Variants in KIAA0825 observed in about 807,000 individuals in gnomAD.
The protein encoded by KIAA0825 is KIAA0825, also known as uncharacterized protein KIAA0825.
KIAA0825 carries 119 observed loss-of-function variants against 147.6 expected under a neutral mutation model. The observed-to-expected ratio is 0.81, with a 90% CI of 0.69 to 0.94. The LOEUF (loss-of-function observed/expected upper bound fraction) is 0.94, where lower values mean the gene tolerates loss of function less well. KIAA0825 is among the 40% of genes least tolerant of loss of function. KIAA0825 has a pLI of 0.00. For synonymous variants in KIAA0825, 470 were observed against 518.1 expected (o/e 0.91, Z 1.26); for missense variants, 1,381 against 1,472.7 (o/e 0.94, Z 1.02).
intron 20 of KIAA0825, among the ~76,000 whole-genome samples, chr5:94,212,867 A>G (rs1274211227): frequency 6.6e-6 from 1 of 152,172 alleles, no homozygotes; most frequent in East Asian, 1.9e-4. Flanking sequence ...ATAGTCTGGG[A>G]CAAAAGCCAT....
chr5:94,197,655 G>A (rs533898865), intron 20 of KIAA0825, among the ~76,000 whole-genome samples: 26 of 152,200 alleles, frequency 1.7e-4, no homozygotes, highest in Admixed American at 4.6e-4. Flanking sequence ...TTTGTGCATA[G>A]GGAAAGGAAA....
At chr5:94,539,636 A>G (rs1479366066) in intron 2 of KIAA0825, among the ~76,000 whole-genome samples, 1 of 150,248 alleles carries the variant, frequency 6.7e-6, no homozygotes, top group African/African-American at 2.4e-5. Context: ...GTGGTGGGGT[A>G]CCCGGGTAAA....
chr5:94,519,254 G>A (rs1325070146), intron 5 of KIAA0825: 25 of 888,326 alleles, frequency 2.8e-5, no homozygotes, highest in Non-Finnish European at 3.4e-5. Context: ...ATACGCACAA[G>A]TATAGTGAGC....
In KIAA0825 at chr5:94,234,496, C is replaced by T. The variant is rs1386085698; in HGVS notation, c.3711-80372G>A. ...CTTCCATTGCCATAAAAAAATTCCT[C>T]AGACTGGATAATTTATAAAGAAAAG... On this transcript the variant is annotated intron_variant, in intron 20 of 20. Coordinates refer to ENST00000682413, the MANE Select transcript of KIAA0825 (RefSeq NM_001145678.3). 3.3e-5 allele frequency among the ~76,000 whole-genome samples: 5 copies of T among 152,236 alleles called. No homozygotes were observed. The South Asian group carries it at 1.0e-3, about 32-fold the overall frequency.
intron 3 of KIAA0825, among the ~76,000 whole-genome samples, chr5:94,534,088 ATGT>A (rs1037196452): frequency 4.6e-5 from 7 of 152,240 alleles, no homozygotes; most frequent in Non-Finnish European, 8.8e-5. Flanking sequence ...TGAATTACTA[ATGT>A]TGTTTTTTTC....
intron 20 of KIAA0825, among the ~76,000 whole-genome samples, chr5:94,273,375 A>C (rs7356539): frequency 0.64 from 96,690 of 151,930 alleles, 31,744 homozygotes; most frequent in Middle Eastern, 0.74. Flanking sequence ...TATCCTACAA[A>C]TAGAATATTT....
intron 5 of KIAA0825, among the ~76,000 whole-genome samples, chr5:94,512,566 AGCTTGG>A (rs1401116209): frequency 6.6e-6 from 1 of 151,276 alleles, no homozygotes; most frequent in Non-Finnish European, 1.5e-5. Flanking sequence ...ATTCAAGACC[AGCTTGG>A]GCAACATAGC....
At chr5:94,158,323 T>G (rs1562287127) in intron 20 of KIAA0825, among the ~76,000 whole-genome samples, 1 of 152,156 alleles carries the variant, frequency 6.6e-6, no homozygotes, top group Non-Finnish European at 1.5e-5. Context: ...ATTTACTATT[T>G]GGACTTTTTT....
At chr5:94,262,668 AAAGT>A (rs1776552425) in intron 20 of KIAA0825, among the ~76,000 whole-genome samples, 1 of 152,182 alleles carries the variant, frequency 6.6e-6, no homozygotes, top group East Asian at 1.9e-4. Flanking sequence ...TCAAGTAGAA[AAAGT>A]AAGACAACAG....
At chr5:94,179,117 G>A (rs1254342137) in intron 20 of KIAA0825, among the ~76,000 whole-genome samples, 3 of 152,068 alleles carry the variant, frequency 2.0e-5, no homozygotes, top group Non-Finnish European at 4.4e-5. Context: ...GGTTGCCAGG[G>A]GTTGAGAATG....
chr5:94,277,654 T>C (rs1777279622), intron 20 of KIAA0825, among the ~76,000 whole-genome samples: 2 of 152,186 alleles, frequency 1.3e-5, no homozygotes, highest in Admixed American at 1.3e-4. Context: ...TTTACACTGT[T>C]GGTGGGAGTG....
At chr5:94,460,227 T>C (rs1759642130) in intron 12 of KIAA0825, among the ~76,000 whole-genome samples, 1 of 152,134 alleles carries the variant, frequency 6.6e-6, no homozygotes, top group Non-Finnish European at 1.5e-5. Context: ...ATAAGCACTT[T>C]GGAAAATACA....
chr5:94,308,051 A>G (rs1428109482), intron 20 of KIAA0825, among the ~76,000 whole-genome samples: 1 of 151,774 alleles, frequency 6.6e-6, no homozygotes, highest in Non-Finnish European at 1.5e-5. Context: ...GATAAGCAAG[A>G]GTTTAATCAT....
chr5:94,297,694 C>G (rs1778199828), intron 20 of KIAA0825, among the ~76,000 whole-genome samples: 1 of 151,932 alleles, frequency 6.6e-6, no homozygotes, highest in African/African-American at 2.4e-5. Flanking sequence ...CTCCTGGGCT[C>G]AAGCAGTTCT....
At position 94,417,242 on chromosome 5, in the gene KIAA0825, A is replaced by C; in HGVS notation, c.2621T>G (p.Met874Arg). The change falls in exon 15 of 21, where the codon ATG (methionine) becomes AGG (arginine). Residue 874 changes from methionine (M) to arginine (R), a missense_variant. Transcript: ENST00000682413. ...AAAGTCCCATAATTGCTCTTCTTCC[A>C]TGTAGCTCACAAAAACGTTTGCAAA... is the stretch of plus-strand genomic sequence containing the variant. ...QTFANVFVSYMEEEQLWDFLY... is the reference protein window; with the variant it reads ...QTFANVFVSYREEEQLWDFLY... 6.4e-7 allele frequency: 1 copy of C among 1,551,074 alleles called. No homozygotes were observed. Among genetic ancestry groups the C allele is most frequent in the Non-Finnish European group, 8.7e-7 (1 of 1,146,562 alleles).
At chr5:94,191,833 C>T (rs1277321656) in intron 20 of KIAA0825, among the ~76,000 whole-genome samples, 3 of 152,190 alleles carry the variant, frequency 2.0e-5, no homozygotes, top group Non-Finnish European at 4.4e-5. Flanking sequence ...AACTTTACCT[C>T]CACCCCCACT....
chr5:94,246,187 C>G (rs1045127774), intron 20 of KIAA0825, among the ~76,000 whole-genome samples: 2 of 152,032 alleles, frequency 1.3e-5, no homozygotes, highest in Non-Finnish European at 2.9e-5. Context: ...AGTGAGCTAC[C>G]TTTTCTTCTT....
chr5:94,324,188 C>A (rs1241155200), intron 20 of KIAA0825, among the ~76,000 whole-genome samples: 1 of 151,940 alleles, frequency 6.6e-6, no homozygotes, highest in Non-Finnish European at 1.5e-5. Flanking sequence ...AAGAGACTGT[C>A]AAGGGTGTGA....
chr5:94,570,712 T>C (rs1779810353), intron 2 of KIAA0825: 1 of 152,238 alleles, frequency 6.6e-6, no homozygotes, highest in East Asian at 1.9e-4. Flanking sequence ...ACACCGGTCT[T>C]GTAAACTGGA....
Sources: gnomAD v4.1 joint callset for allele counts (sites outside exome capture counted in the v4.1 genomes callset) on GRCh38, gnomAD v4.1.1 for gene constraint, MANE v1.5 for transcripts, NCBI Gene and HGNC (gene_info 2026-07-23, HGNC 2026-07-21) for gene names.